The following TJP2 variants were observed in gnomAD, a reference collection of about 807,000 sequenced individuals.
TJP2 encodes the protein tight junction protein 2, also known as Friedreich ataxia region gene X104 (tight junction protein ZO-2).
TJP2 carries 91 observed loss-of-function variants against 133.1 expected under a neutral mutation model. The ratio of observed to expected loss-of-function variants is 0.68; its 90% CI spans 0.58 to 0.81. The LOEUF is 0.81. TJP2 is among the 40% of genes least tolerant of loss of function. The pLI, the probability that TJP2 is intolerant of heterozygous loss-of-function variation, is 0.00. For synonymous variants in TJP2, 592 were observed against 583.4 expected (o/e 1.01, Z -0.21); for missense variants, 1,541 against 1,565.6 (o/e 0.98, Z 0.26).
intron 11 of TJP2, among the ~76,000 whole-genome samples, chr9:69,231,444 G>GT (rs1325081869): frequency 6.7e-6 from 1 of 149,806 alleles, no homozygotes; most frequent in African/African-American, 2.4e-5. Context: ...CAAACTTGCA[G>GT]TTCATATATA....
At chr9:69,232,314 G>A (rs969421694) in intron 11 of TJP2, among the ~76,000 whole-genome samples, 5 of 152,180 alleles carry the variant, frequency 3.3e-5, no homozygotes, top group South Asian at 2.1e-4. Context: ...GTTTGCCTAC[G>A]AGGGCGGAGA....
chr9:69,158,757 G>T (rs977277701), intron 2 of TJP2, among the ~76,000 whole-genome samples: 1 of 152,036 alleles, frequency 6.6e-6, no homozygotes, highest in Non-Finnish European at 1.5e-5. Flanking sequence ...CAGGCTGGAA[G>T]CTTATCTTAT....
chr9:69,145,620 C>T, intron 1 of TJP2: 1 of 825,046 alleles, frequency 1.2e-6, no homozygotes, highest in Non-Finnish European at 1.6e-6. Context: ...TCCAAAGGAA[C>T]AGCAGCTTCC....
Position 69,236,962 on chromosome 9 carries a change from G to T in TJP2, c.2005G>T (p.Ala669Ser), listed in dbSNP as rs1375700934. The T allele has an allele frequency of 6.2e-7, 1 of 1,614,174 alleles. No individual in the cohort carries two copies. Among genetic ancestry groups the T allele is most frequent in the Non-Finnish European group, 8.5e-7 (1 of 1,180,028 alleles). ...GTTTCTTCTCAGAGCTGAACAAATGGCCAGTGTTCAAAATGCCCAGAGAGA... is the reference window on the plus strand; with the variant it reads ...GTTTCTTCTCAGAGCTGAACAAATGTCCAGTGTTCAAAATGCCCAGAGAGA... ...IPNKSRAEQM[A>S]SVQNAQRDNA... is the part of the protein sequence containing the mutation. Residue 669 changes from alanine to serine, a missense_variant, in exon 14 of 23, where the codon GCC (alanine) becomes TCC (serine). Physicochemically the swap from Ala to Ser is moderately conservative, Grantham distance 99 (BLOSUM62 1). Coordinates refer to ENST00000377245, the MANE Select transcript of TJP2 (RefSeq NM_004817.4).
intron 1 of TJP2, among the ~76,000 whole-genome samples, chr9:69,147,886 G>C (rs1587907206): frequency 6.6e-6 from 1 of 151,438 alleles, no homozygotes; most frequent in African/African-American, 2.4e-5. Flanking sequence ...TACTCTTTGA[G>C]TTCTGTGAAT....
intron 1 of TJP2, among the ~76,000 whole-genome samples, chr9:69,141,576 A>G (rs911407556): frequency 1.3e-5 from 2 of 152,162 alleles, no homozygotes; most frequent in Non-Finnish European, 2.9e-5. Flanking sequence ...CACCGAATGT[A>G]TATACATTAC....
chr9:69,213,935 A>C (rs1486140137), intron 2 of TJP2, among the ~76,000 whole-genome samples: 1 of 152,190 alleles, frequency 6.6e-6, no homozygotes, highest in African/African-American at 2.4e-5. Context: ...AATTGTGTAT[A>C]ATCAGTCAGC....
At chr9:69,151,598 T>G (rs1823482270) in intron 1 of TJP2, 2 of 1,231,496 alleles carry the variant, frequency 1.6e-6, no homozygotes, top group Admixed American at 8.4e-5. Context: ...CCCAAAATCT[T>G]ACCATTGCAG....
rs766230726 is a variant in TJP2, at chr9:69,230,236, A to G, written c.1671+4A>G. The G allele has an allele frequency of 6.2e-7, 1 of 1,614,152 alleles. No homozygotes were observed. The highest frequency in any genetic ancestry group is 1.7e-5 in the Admixed American group (1 of 60,016). On this transcript the variant is annotated splice_donor_region_variant and intron_variant, in intron 11 of 22. Coordinates refer to ENST00000377245, the MANE Select transcript of TJP2 (RefSeq NM_004817.4). Reference sequence around the variant, plus strand: ...AGAAGGAGACCAGATTCTGAAGGTAAGAACAGCCCAGCTCTGTTTCTAGAA... The same window carrying G: ...AGAAGGAGACCAGATTCTGAAGGTAGGAACAGCCCAGCTCTGTTTCTAGAA...
At chr9:69,145,969 A>G (rs549252171) in intron 1 of TJP2, 10 of 409,862 alleles carry the variant, frequency 2.4e-5, no homozygotes, top group African/African-American at 2.0e-4. Flanking sequence ...TGGAGAATGG[A>G]ACTCCTAGAC....
intron 1 of TJP2, among the ~76,000 whole-genome samples, chr9:69,176,865 CG>C (rs1221347218): frequency 6.6e-6 from 1 of 151,700 alleles, no homozygotes; most frequent in African/African-American, 2.4e-5. Flanking sequence ...TGAAACTAGG[CG>C]GGGCCACTTT....
intron 5 of TJP2, among the ~76,000 whole-genome samples, chr9:69,223,069 G>GGAAAAA (rs1405334479): frequency 1.3e-3 from 153 of 114,102 alleles, no homozygotes; most frequent in African/African-American, 4.3e-3. Context: ...ACTCTGTCTT[G>GGAAAAA]AAAAAAAAAA....
Position 69,251,106 on chromosome 9 carries a change from C to T in TJP2, c.3063C>T (p.Ala1021=), listed in dbSNP as rs367977493. The T allele has an allele frequency of 5.6e-5, 91 of 1,614,030 alleles. No individual in the cohort carries two copies. Among genetic ancestry groups the T allele is most frequent in the Admixed American group, 3.0e-4 (18 of 60,008 alleles). ...ATGAATATAAGTCAAACCCCTCTGC[C>T]GTTGCTGGTAATGAAACTCCTGGGG... ...KSYEYKSNPS[A]VAGNETPGAS... Residue 1021 remains alanine (A), a synonymous_variant, in exon 21 of 23, where the codon GCC becomes GCT. Coordinates refer to ENST00000377245, the MANE Select transcript of TJP2 (RefSeq NM_004817.4).
At position 69,133,171 on chromosome 9, in the gene TJP2, A is replaced by C. The variant is rs113990528; in HGVS notation, c.-131+11446A>C. 1.6e-3 allele frequency among the ~76,000 whole-genome samples: 251 copies of C among 152,274 alleles called. 1 individual carries two copies. The highest frequency in any genetic ancestry group is 6.0e-3 in the African/African-American group (248 of 41,558). On this transcript the variant is annotated intron_variant, in intron 1 of 5. Transcript: ENST00000423935. Reference sequence around the variant, plus strand: ...GAGACAGGGTTTTACCATATTGCCCAGCCTGGTCTCGAACGCTTGAGCTCA... The same window carrying C: ...GAGACAGGGTTTTACCATATTGCCCCGCCTGGTCTCGAACGCTTGAGCTCA...
intron 5 of TJP2, 129 bp downstream of exon 5, chr9:69,221,625 C>T: frequency 8.0e-7 from 1 of 1,244,978 alleles, no homozygotes; most frequent in Non-Finnish European, 1.1e-6. Context: ...GTGATCTCGG[C>T]TCACTGCAAC....
intron 1 of TJP2, among the ~76,000 whole-genome samples, chr9:69,143,998 T>G (rs757053597): frequency 6.6e-6 from 1 of 152,166 alleles, no homozygotes; most frequent in Non-Finnish European, 1.5e-5. Context: ...ACACAAACAT[T>G]CAATTTTATT....
At chr9:69,176,229 G>T (rs1176936237) in intron 1 of TJP2, among the ~76,000 whole-genome samples, 1 of 152,182 alleles carries the variant, frequency 6.6e-6, no homozygotes, top group Non-Finnish European at 1.5e-5. Context: ...TATAGAAAAT[G>T]GGGCCAGTAA....
Position 69,218,354 on chromosome 9 carries a change from G to C in TJP2, c.337G>C (p.Ala113Pro). ...QQLRKSGKVAAIVVKRPRKVQ... is the reference protein window; with the variant it reads ...QQLRKSGKVAPIVVKRPRKVQ... ...GCTCAGAAAAAGTGGGAAGGTCGCT[G>C]CTATTGTAAGTACTGGGTTTGCTTT... The change falls in exon 4 of 23, where the codon GCT (alanine) becomes CCT (proline). Residue 113 changes from alanine to proline, a missense_variant. Ala to Pro is a conservative substitution (Grantham distance 27, BLOSUM62 -1). Transcript: ENST00000377245. 6.2e-7 allele frequency: 1 copy of C among 1,613,908 alleles called. No homozygotes were observed. The highest frequency in any genetic ancestry group is 1.7e-5 in the Admixed American group (1 of 60,008).
intron 11 of TJP2, among the ~76,000 whole-genome samples, chr9:69,231,508 A>G (rs1454888507): frequency 2.6e-5 from 4 of 152,020 alleles, no homozygotes; most frequent in African/African-American, 9.7e-5. Context: ...GTAGTAAACT[A>G]AGGGGTCTGG....
Sources: allele counts gnomAD v4.1 joint callset (sites outside exome capture counted in the v4.1 genomes callset), GRCh38; gene constraint gnomAD v4.1.1; transcripts MANE v1.5; gene names NCBI Gene and HGNC (gene_info 2026-07-23, HGNC 2026-07-21).